KIF4A: variants seen among roughly 807,000 people sequenced by gnomAD.
KIF4A encodes the protein chromosome-associated kinesin KIF4A.
Under a neutral mutation model 105.9 loss-of-function variants are expected in KIF4A, and 7 were observed. That is an observed-to-expected ratio of 0.07 (90% CI 0.04 to 0.12). KIF4A has a LOEUF of 0.12. KIF4A is among the 10% of genes least tolerant of loss of function. The probability of loss-of-function intolerance (pLI) is 1.00; values close to 1 mark genes in which losing one functional copy is unlikely to be tolerated. For synonymous variants in KIF4A, 281 were observed against 331.3 expected, an observed-to-expected ratio of 0.85 and a Z score of 1.65; for missense variants, 558 against 929.2, an observed-to-expected ratio of 0.60 and a Z score of 5.19.
At chrX:70,361,123 C>T (rs2086073734) in intron 15 of KIF4A, among the ~76,000 whole-genome samples, 1 of 112,946 alleles carries the variant, frequency 8.9e-6, no homozygotes, top group African/African-American at 3.2e-5. Context: ...GCTCTCAGCT[C>T]CAGGCACCCC....
intron 8 of KIF4A, 51 bp downstream of exon 8, chrX:70,329,572 C>T (rs757284850): frequency 1.0e-6 from 1 of 986,123 alleles, no homozygotes; most frequent in South Asian, 2.1e-5. Context: ...AATGATAGTG[C>T]TGAGACAGCA....
rs745949734 is a variant in KIF4A, at chrX:70,295,443, C to T, written c.236-1555C>T. On this transcript the variant is annotated intron_variant, in intron 3 of 30. Transcript: ENST00000374403. The stretch of plus-strand genomic sequence containing the variant: ...GCCCGCCTCGGCCTCCCAAAGTGCT[C>T]GATTGCAGGCGTGAGCCACCACGCC... Among the ~76,000 whole-genome samples, 608 of 108,949 alleles carry T rather than the reference C, an allele frequency of 5.6e-3. 3 individuals are homozygous for T. Among genetic ancestry groups the T allele is most frequent in the African/African-American group, 0.019 (581 of 29,967 alleles). The allele number at this position is 108,949 out of a possible 115,157, so 94.6% of individuals were successfully genotyped here. A position where few individuals can be genotyped will look rare whatever the true frequency, so the allele number is the denominator to read the frequency against.
intron 28 of KIF4A, among the ~76,000 whole-genome samples, chrX:70,408,956 C>T (rs1289192784): frequency 8.9e-6 from 1 of 112,027 alleles, no homozygotes; most frequent in Non-Finnish European, 1.9e-5. Context: ...ACCTCCTCCT[C>T]CCGGGTTCAA....
chrX:70,411,426 T>C (rs1218498681), intron 28 of KIF4A, among the ~76,000 whole-genome samples: 2 of 111,576 alleles, frequency 1.8e-5, no homozygotes, highest in Non-Finnish European at 3.8e-5. Flanking sequence ...CTTTGTTTTT[T>C]GTTTTTGCCA....
chrX:70,353,264 G>A (rs2086038415), intron 14 of KIF4A, among the ~76,000 whole-genome samples: 1 of 112,088 alleles, frequency 8.9e-6, no homozygotes, highest in African/African-American at 3.2e-5. Flanking sequence ...CTAGAGGTCA[G>A]CTGTGTGAGA....
At chrX:70,334,909 A>C (rs1036270071) in intron 10 of KIF4A, among the ~76,000 whole-genome samples, 6 of 111,953 alleles carry the variant, frequency 5.4e-5, no homozygotes, top group Admixed American at 3.8e-4. Context: ...GGATGTGAAG[A>C]TATAGAGAAA....
intron 10 of KIF4A, among the ~76,000 whole-genome samples, chrX:70,339,788 C>T (rs2085965405): frequency 8.9e-6 from 1 of 111,970 alleles, no homozygotes; most frequent in Non-Finnish European, 1.9e-5. Flanking sequence ...TGCACATGCT[C>T]AGTTTACTTG....
chrX:70,408,890 A>G (rs1051975319), intron 28 of KIF4A, among the ~76,000 whole-genome samples: 1 of 112,065 alleles, frequency 8.9e-6, no homozygotes, highest in African/African-American at 3.2e-5. Context: ...TTTGAGACAG[A>G]GTTTCACTCT....
chrX:70,356,708 A>G (rs1019955180), intron 15 of KIF4A, among the ~76,000 whole-genome samples: 2 of 112,510 alleles, frequency 1.8e-5, no homozygotes, highest in Non-Finnish European at 3.7e-5. Flanking sequence ...ATATTTCTAG[A>G]TAAGAATTGG....
chrX:70,298,594 A>G (rs781458456), intron 4 of KIF4A, among the ~76,000 whole-genome samples: 3 of 111,855 alleles, frequency 2.7e-5, no homozygotes, highest in African/African-American at 9.7e-5. Context: ...GAATATCAAA[A>G]TAACTCCAGA....
chrX:70,370,692 T>C (rs1309166385), intron 15 of KIF4A, among the ~76,000 whole-genome samples: 1 of 110,074 alleles, frequency 9.1e-6, no homozygotes, highest in Non-Finnish European at 1.9e-5. Flanking sequence ...TCCCAATACT[T>C]TGGGAGGCCA....
chrX:70,385,916 G>T (rs1348828846), intron 18 of KIF4A, among the ~76,000 whole-genome samples: 2 of 110,929 alleles, frequency 1.8e-5, no homozygotes, highest in African/African-American at 6.6e-5. Flanking sequence ...TGTTACAAGG[G>T]TATATTGTAT....
chrX:70,350,512 G>C (rs1410744468), intron 13 of KIF4A, among the ~76,000 whole-genome samples: 1 of 108,637 alleles, frequency 9.2e-6, no homozygotes, highest in Non-Finnish European at 1.9e-5. Flanking sequence ...GGAGAGAGGG[G>C]GAGGGGGAGG....
intron 7 of KIF4A, among the ~76,000 whole-genome samples, chrX:70,305,764 A>G (rs757705510): frequency 4.8e-4 from 54 of 112,019 alleles, no homozygotes; most frequent in Non-Finnish European, 9.2e-4. Context: ...TTGAAGAACT[A>G]CCATCACACT....
At chrX:70,293,948 C>T (rs2147656239) in intron 3 of KIF4A, among the ~76,000 whole-genome samples, 1 of 112,106 alleles carries the variant, frequency 8.9e-6, no homozygotes, top group African/African-American at 3.2e-5. Context: ...TTTCTTCAAT[C>T]ATAAATTAAC....
At chrX:70,419,902 C>T in intron 30 of KIF4A, 119 bp downstream of exon 30, 1 of 1,063,770 alleles carries the variant, frequency 9.4e-7, no homozygotes, top group Admixed American at 2.4e-5. Context: ...TTGCTGGGAA[C>T]TAGGGATCGG....
intron 3 of KIF4A, 76 bp downstream of exon 3, chrX:70,290,881 G>A: frequency 4.5e-6 from 3 of 663,430 alleles, no homozygotes; most frequent in Non-Finnish European, 7.1e-6. Flanking sequence ...CTGTGCTTGG[G>A]CACTGCAAAT....
At chrX:70,352,235 G>A (rs757315493) in intron 13 of KIF4A, among the ~76,000 whole-genome samples, 9 of 112,161 alleles carry the variant, frequency 8.0e-5, no homozygotes, top group East Asian at 2.8e-4. Flanking sequence ...TATACTAAGC[G>A]GTAGATGCAT....
intron 24 of KIF4A, 84 bp downstream of exon 24, chrX:70,404,118 A>T: frequency 9.2e-7 from 1 of 1,081,529 alleles, no homozygotes; most frequent in Non-Finnish European, 1.3e-6. Flanking sequence ...TGGGGATATG[A>T]AATTTCTTTC....
Sources: allele counts gnomAD v4.1 joint callset (sites outside exome capture counted in the v4.1 genomes callset), GRCh38; gene constraint gnomAD v4.1.1; transcripts MANE v1.5; gene names NCBI Gene and HGNC (gene_info 2026-07-23, HGNC 2026-07-21).